Variants in SFT2D2 observed in about 807,000 individuals in gnomAD.
SFT2D2 encodes the protein vesicle transport protein SFT2B.
In SFT2D2, 21 loss-of-function variants were observed where a neutral mutation model predicts 27.4. The ratio of observed to expected loss-of-function variants is 0.77; its 90% CI spans 0.54 to 1.10. SFT2D2 has a LOEUF of 1.10. Ranked by LOEUF, SFT2D2 falls within the 50% of genes least tolerant of loss-of-function variation. SFT2D2 has a pLI of 0.00. For missense variants in SFT2D2, 187 were observed against 194.2 expected, an observed-to-expected ratio of 0.96 and a Z score of 0.22; for synonymous variants, 72 against 71.7, an observed-to-expected ratio of 1.00 and a Z score of -0.02.
rs1572457905 is a variant in SFT2D2 at position 168,245,883 on chromosome 1, A to G, written c.*3343A>G. On this transcript the variant is annotated 3_prime_UTR_variant, in exon 8 of 8. Transcript: ENST00000271375. ...GTATTTCTTAACACTAGAATTTTCT[A>G]TTTCAAGTTTTTGTACGTGGCCTTG... 6.5e-6 allele frequency: 1 copy of G among 152,920 alleles called. No individual in the cohort carries two copies. The highest frequency in any genetic ancestry group is 1.5e-5 in the Non-Finnish European group (1 of 68,174). The allele number at this position is 152,920 out of a possible 1,614,324, so 9.5% of individuals were successfully genotyped here.
At chr1:168,229,491 C>T (rs966250203) in intron 1 of SFT2D2, 8 of 152,306 alleles carry the variant, frequency 5.3e-5, no homozygotes, top group African/African-American at 1.9e-4. Flanking sequence ...CCATCCAGTC[C>T]AATCTTACTA....
In SFT2D2 at chr1:168,246,171, T is replaced by G. The variant is rs1647806403; in HGVS notation, c.*3631T>G. ...TGTTTTTCTTTCAAATGATTAACTT[T>G]ATTGATCATCCTCTTGTTCTTCTAG... On this transcript the variant is annotated 3_prime_UTR_variant, in exon 8 of 8. Transcript: ENST00000271375. The G allele has an allele frequency of 4.0e-6, 1 of 251,326 alleles. No homozygotes were observed. The highest frequency in any genetic ancestry group is 7.9e-6 in the Non-Finnish European group (1 of 126,392). The allele number at this position is 251,326 out of a possible 1,614,324, so 15.6% of individuals were successfully genotyped here. A position where few individuals can be genotyped will look rare whatever the true frequency, so the allele number is the denominator to read the frequency against.
chr1:168,226,347 C>T (rs1029684669), intron 1 of SFT2D2, among the ~76,000 whole-genome samples: 2 of 152,014 alleles, frequency 1.3e-5, no homozygotes, highest in African/African-American at 2.4e-5. Context: ...CCCCGCGCCC[C>T]TTCAGCCCAT....
chr1:168,238,925 T>C (rs1647576833), intron 6 of SFT2D2, among the ~76,000 whole-genome samples: 1 of 152,218 alleles, frequency 6.6e-6, no homozygotes, highest in Non-Finnish European at 1.5e-5. Context: ...GCTGCCTATC[T>C]GTACATGGCC....
At chr1:168,237,740 T>G (rs1462471193) in intron 6 of SFT2D2, among the ~76,000 whole-genome samples, 2 of 152,230 alleles carry the variant, frequency 1.3e-5, no homozygotes, top group Non-Finnish European at 2.9e-5. Context: ...TGAATAAATA[T>G]AGTTACAAAT....
chr1:168,226,097 G>C lies in SFT2D2; in HGVS notation c.18G>C (p.Lys6Asn), dbSNP rs148619520. 3.7e-4 allele frequency: 566 copies of C among 1,534,824 alleles called. 1 individual carries two copies. Among genetic ancestry groups the C allele is most frequent in the Middle Eastern group, 1.4e-3 (7 of 5,070 alleles). ...GGGCCGCAATGGACAAGCTGAAGAA[G>C]GTGCTGAGCGGGCAGGACACGGAGG... MDKLK[K>N]VLSGQDTEDR... Residue 6 changes from lysine to asparagine, a missense_variant, in exon 1 of 8, where the codon AAG becomes AAC. Lys to Asn is a moderately conservative substitution (Grantham distance 94). Transcript: ENST00000271375.
chr1:168,248,151 G>A lies in SFT2D2; in HGVS notation c.*5611G>A, dbSNP rs755515747. On this transcript the variant is annotated 3_prime_UTR_variant, in exon 8 of 8. Transcript: ENST00000271375. ...CACTCTGATGATAGTTTCTTTTGCTGTGCAGAAGCTCTTTGGTTTAATTAG... is the reference window on the plus strand; with the variant it reads ...CACTCTGATGATAGTTTCTTTTGCTATGCAGAAGCTCTTTGGTTTAATTAG... 7.2e-5 allele frequency: 11 copies of A among 152,124 alleles called. No individual in the cohort carries two copies. The highest frequency in any genetic ancestry group is 1.6e-4 in the Non-Finnish European group (11 of 68,036). The allele number at this position is 152,124 out of a possible 1,614,324, so 9.4% of individuals were successfully genotyped here.
intron 6 of SFT2D2, 111 bp downstream of exon 6, chr1:168,236,881 T>C (rs28539910): frequency 0.011 from 2,182 of 202,232 alleles, 31 homozygotes; most frequent in African/African-American, 0.059. Flanking sequence ...ACAGAAGCTG[T>C]TTAATTTAAG....
intron 7 of SFT2D2, among the ~76,000 whole-genome samples, chr1:168,240,444 A>T (rs947935109): frequency 3.9e-5 from 6 of 152,158 alleles, no homozygotes; most frequent in Admixed American, 3.9e-4. Flanking sequence ...TCTGAGAAGA[A>T]TATGGGCAGG....
At chr1:168,232,562 C>G (rs767970742) in intron 3 of SFT2D2, among the ~76,000 whole-genome samples, 4 of 152,210 alleles carry the variant, frequency 2.6e-5, no homozygotes, top group Non-Finnish European at 5.9e-5. Context: ...CCTTGTGTCT[C>G]TGTAAATGGC....
At chr1:168,234,980 G>T (rs1220980972) in intron 3 of SFT2D2, 121 bp from the exon 4 acceptor site, 10 of 885,842 alleles carry the variant, frequency 1.1e-5, no homozygotes, top group Admixed American at 1.8e-5. Flanking sequence ...CTTCAGCACA[G>T]TCAGAATGAG....
Position 168,246,471 on chromosome 1 carries a change from C to T in SFT2D2, c.*3931C>T, listed in dbSNP as rs1178579157. On this transcript the variant is annotated 3_prime_UTR_variant, in exon 8 of 8. Coordinates refer to ENST00000271375, the MANE Select transcript of SFT2D2 (RefSeq NM_199344.3). ...GCTCTCTTTGTATGTGTTCAAAAACCAAAGCGTTTTCTTTCAGAGCCTCTC... is the reference window on the plus strand; with the variant it reads ...GCTCTCTTTGTATGTGTTCAAAAACTAAAGCGTTTTCTTTCAGAGCCTCTC... 2.9e-6 allele frequency: 4 copies of T among 1,361,406 alleles called. No individual in the cohort carries two copies. Among genetic ancestry groups the T allele is most frequent in the Non-Finnish European group, 2.0e-6 (2 of 1,008,778 alleles). 84.3% of individuals were successfully genotyped at this position (1,361,406 alleles called of 1,614,324 possible). A position where few individuals can be genotyped will look rare whatever the true frequency, so the allele number is the denominator to read the frequency against.
At chr1:168,234,418 A>C (rs1019501514) in intron 3 of SFT2D2, among the ~76,000 whole-genome samples, 14 of 151,620 alleles carry the variant, frequency 9.2e-5, no homozygotes, top group Admixed American at 2.0e-4. Context: ...AACAAAAAAA[A>C]CCCAGCATGC....
At position 168,239,150 on chromosome 1, in the gene SFT2D2, C is replaced by A. The variant is rs1215795726; in HGVS notation, c.433C>A (p.Pro145Thr). The change falls in exon 7 of 8, where the codon CCA becomes ACA. Residue 145 changes from proline to threonine, a missense_variant. Pro to Thr is a conservative substitution (Grantham distance 38). Coordinates refer to ENST00000271375, the MANE Select transcript of SFT2D2 (RefSeq NM_199344.3). The stretch of plus-strand genomic sequence containing the variant: ...TTATAGGTACAGCCTTTCCTTCATA[C>A]CATTTGCAAGGTAAGACTGTGTATT... ...ALTWYSLSFI[P>T]FARDAVKKCF... 11 of 1,606,958 alleles carry A rather than the reference C, an allele frequency of 6.8e-6. No homozygotes were observed. The highest frequency in any genetic ancestry group is 1.7e-5 in the Admixed American group (1 of 59,984).
At chr1:168,231,021 G>T (rs565518605) in intron 1 of SFT2D2, among the ~76,000 whole-genome samples, 1 of 152,356 alleles carries the variant, frequency 6.6e-6, no homozygotes, top group South Asian at 2.1e-4. Flanking sequence ...AATAATGTGG[G>T]TGAGAGTTGA....
chr1:168,240,133 C>T (rs1647610527), intron 7 of SFT2D2, among the ~76,000 whole-genome samples: 1 of 148,890 alleles, frequency 6.7e-6, no homozygotes, highest in South Asian at 2.1e-4. Context: ...CGAGATGGCG[C>T]CACTGCACTC....
At position 168,226,303 on chromosome 1, in the gene SFT2D2, C is replaced by G. The variant is rs111559294; in HGVS notation, c.63+161C>G. 9.5e-3 allele frequency among the ~76,000 whole-genome samples: 1,440 copies of G among 152,320 alleles called. 22 individuals are homozygous for G. The highest frequency in any genetic ancestry group is 0.031 in the African/African-American group (1,302 of 41,576). ...CAGGGCTCCGCGAAGAGGTCTGGCACTACACGGGGCAGTGGCCGCGGCGTC... is the reference window on the plus strand; with the variant it reads ...CAGGGCTCCGCGAAGAGGTCTGGCAGTACACGGGGCAGTGGCCGCGGCGTC... On this transcript the variant is annotated intron_variant, in intron 1 of 7. Transcript: ENST00000271375.
rs1647907856 is a variant in SFT2D2 at position 168,249,722 on chromosome 1, C to T, written c.*7182C>T. Reference sequence around the variant, plus strand: ...ACAGGTTACCTAACCTCTGGCTCCTCAGTTTGTTCATCTGTTTAAAAATTG... The same window carrying T: ...ACAGGTTACCTAACCTCTGGCTCCTTAGTTTGTTCATCTGTTTAAAAATTG... On this transcript the variant is annotated 3_prime_UTR_variant, in exon 8 of 8. Transcript: ENST00000271375. The T allele has an allele frequency of 1.3e-5, 2 of 152,630 alleles. 1 individual carries two copies. The highest frequency in any genetic ancestry group is 4.1e-4 in the South Asian group (2 of 4,830). 9.5% of individuals were successfully genotyped at this position (152,630 alleles called of 1,614,324 possible).
intron 1 of SFT2D2, among the ~76,000 whole-genome samples, chr1:168,228,141 G>A (rs746642031): frequency 9.9e-5 from 15 of 152,192 alleles, no homozygotes; most frequent in Admixed American, 2.6e-4. Flanking sequence ...CCAGAGTCTT[G>A]AATTCCTAGG....
Sources: allele counts gnomAD v4.1 joint callset (sites outside exome capture counted in the v4.1 genomes callset), GRCh38; gene constraint gnomAD v4.1.1; transcripts MANE v1.5; gene names NCBI Gene and HGNC (gene_info 2026-07-23, HGNC 2026-07-21).